The following PDE4A variants were observed in gnomAD, a reference collection of about 807,000 sequenced individuals.
PDE4A encodes phosphodiesterase 4A.
PDE4A carries 21 observed loss-of-function variants against 73.9 expected under a neutral mutation model. The observed-to-expected ratio is 0.28, with a 90% CI of 0.20 to 0.41. PDE4A has a LOEUF of 0.41. PDE4A is among the 10% of genes least tolerant of loss of function. PDE4A has a pLI of 1.00. For missense variants in PDE4A, 958 were observed against 1,211.4 expected (o/e 0.79, Z 3.10); for synonymous variants, 463 against 505.4 (o/e 0.92, Z 1.13).
At chr19:10,445,172 C>T (rs2042987256) in intron 1 of PDE4A, among the ~76,000 whole-genome samples, 1 of 152,120 alleles carries the variant, frequency 6.6e-6, no homozygotes, top group Non-Finnish European at 1.5e-5. Context: ...CAAGCTCGCC[C>T]TGGTGGCCAC....
In PDE4A at chr19:10,420,975, A is replaced by G. The variant is rs1319815418; in HGVS notation, c.211A>G (p.Met71Val). Residue 71 changes from methionine (M) to valine (V), a missense_variant, in exon 1 of 15, where the codon ATG (methionine) becomes GTG (valine). Physicochemically the swap from Met to Val is conservative, Grantham distance 21. Coordinates refer to ENST00000380702, the MANE Select transcript of PDE4A (RefSeq NM_001111307.2). This position sits in a 1 kb window ranked among gnomAD's most constrained non-coding sequence, Gnocchi z 6.0. ...PHRPIERADA[M>V]DTSDRPGLRT... The stretch of plus-strand genomic sequence containing the variant: ...CCGGCCCATAGAGCGCGCCGATGCC[A>G]TGGACACCAGCGACCGGCCCGGCCT... 6.4e-7 allele frequency: 1 copy of G among 1,550,600 alleles called. No individual in the cohort carries two copies. Among genetic ancestry groups the G allele is most frequent in the South Asian group, 1.2e-5 (1 of 84,930 alleles).
chr19:10,466,317 C>T (rs557586028), intron 14 of PDE4A, among the ~76,000 whole-genome samples: 4 of 148,388 alleles, frequency 2.7e-5, no homozygotes, highest in Admixed American at 6.7e-5. Context: ...CGATGGCGGG[C>T]GCCTGTAGTC....
chr19:10,432,312 A>G, intron 1 of PDE4A: 1 of 1,223,302 alleles, frequency 8.2e-7, no homozygotes, highest in Non-Finnish European at 1.0e-6. Context: ...TGGGGGGGTC[A>G]CCAGAGGCGT....
At chr19:10,441,910 G>C (rs1333922769) in intron 1 of PDE4A, among the ~76,000 whole-genome samples, 1 of 151,500 alleles carries the variant, frequency 6.6e-6, no homozygotes, top group African/African-American at 2.4e-5. Flanking sequence ...GGCTGGTCTC[G>C]AACTCCCGAC....
In PDE4A at chr19:10,421,365, G is replaced by T. The variant is rs78370725; in HGVS notation, c.320+281G>T. The T allele has an allele frequency of 1.5e-3, 1,433 of 983,678 alleles. 16 individuals are homozygous for T. The East Asian group carries it at 0.029, about 20-fold the overall frequency. The allele number at this position is 983,678 out of a possible 1,614,324, so 60.9% of individuals were successfully genotyped here. ...GGGGAAGGGGGCTGCACACTTAGGG[G>T]TCTGTATTCTTGGTGACAGTGCAGA... On this transcript the variant is annotated intron_variant, in intron 1 of 14. Coordinates refer to ENST00000380702, the MANE Select transcript of PDE4A (RefSeq NM_001111307.2).
At chr19:10,438,764 G>A (rs952630770) in intron 1 of PDE4A, among the ~76,000 whole-genome samples, 7 of 151,944 alleles carry the variant, frequency 4.6e-5, no homozygotes, top group African/African-American at 7.3e-5. Flanking sequence ...GTGCCACCAC[G>A]CCCGGCTAAT....
rs2043383320 is a variant in PDE4A, at chr19:10,466,900, A to T, written c.1940A>T (p.Asp647Val). The T allele has an allele frequency of 1.2e-6, 2 of 1,613,048 alleles. No homozygotes were observed. The highest frequency in any genetic ancestry group is 2.7e-5 in the African/African-American group (2 of 74,862). ...CCCCTCCACCAGGTGGGTTTTATTG[A>T]CTACATTGTGCACCCATTGTGGGAG... ...SVEKSQVGFI[D>V]YIVHPLWETW... Residue 647 changes from aspartate (D) to valine (V), a missense_variant, in exon 15 of 15, where the codon GAC becomes GTC. Transcript: ENST00000380702.
chr19:10,466,642 C>G (rs2043378075), intron 14 of PDE4A, among the ~76,000 whole-genome samples: 2 of 151,802 alleles, frequency 1.3e-5, no homozygotes, highest in African/African-American at 2.4e-5. Context: ...TACAGGCATG[C>G]ACCACCACAA....
chr19:10,433,089 C>CT (rs1374567868), intron 1 of PDE4A, among the ~76,000 whole-genome samples: 3 of 152,128 alleles, frequency 2.0e-5, no homozygotes, highest in Non-Finnish European at 4.4e-5. Context: ...TGTGAGTGGC[C>CT]TTTAAGTTCT....
intron 2 of PDE4A, among the ~76,000 whole-genome samples, chr19:10,448,468 C>T (rs561009215): frequency 6.6e-6 from 1 of 151,908 alleles, no homozygotes; most frequent in African/African-American, 2.4e-5. Context: ...GAAACCCAGT[C>T]TCTACTAAAA....
intron 1 of PDE4A, chr19:10,430,955 C>T: frequency 6.5e-7 from 1 of 1,531,712 alleles, no homozygotes; most frequent in Non-Finnish European, 8.7e-7. Flanking sequence ...TGGCCCCGCG[C>T]GCGCCCCGCC....
Position 10,469,129 on chromosome 19 carries a change from G to C in PDE4A, c.*1508G>C, listed in dbSNP as rs200670100. ...GAAAGTCGTTTTTGTCCCAGCCGGC[G>C]ATCGGAGTGGGCCTTTTCTTTCTTT... On this transcript the variant is annotated 3_prime_UTR_variant, in exon 15 of 15. Coordinates refer to ENST00000380702, the MANE Select transcript of PDE4A (RefSeq NM_001111307.2). The C allele has an allele frequency of 6.6e-6, 1 of 152,572 alleles. No homozygotes were observed. Among genetic ancestry groups the C allele is most frequent in the Non-Finnish European group, 1.5e-5 (1 of 68,098 alleles). 9.5% of individuals were successfully genotyped at this position (152,572 alleles called of 1,614,324 possible). A position where few individuals can be genotyped will look rare whatever the true frequency, so the allele number is the denominator to read the frequency against.
chr19:10,461,806 A>G, intron 12 of PDE4A, 71 bp from the exon 13 acceptor site: 3 of 1,582,836 alleles, frequency 1.9e-6, no homozygotes, highest in Non-Finnish European at 1.7e-6. Flanking sequence ...CTACCTGGTG[A>G]AAACTTCAGA....
At position 10,458,114 on chromosome 19, in the gene PDE4A, C is replaced by T. The variant is rs1215479384; in HGVS notation, c.1101+12C>T. ...AGCTCCTGGCCCAAGTGGGTGGGGG[C>T]TCAGTAGGGGCAGGGCTGGAGGGGG... On this transcript the variant is annotated intron_variant, in intron 8 of 14. Coordinates refer to ENST00000380702, the MANE Select transcript of PDE4A (RefSeq NM_001111307.2). The surrounding 1 kb of genome is among the most constrained non-coding windows in gnomAD (Gnocchi z 4.6). 2.5e-6 allele frequency: 4 copies of T among 1,612,946 alleles called. No homozygotes were observed. The East Asian group carries it at 6.7e-5, about 27-fold the overall frequency.
intron 14 of PDE4A, among the ~76,000 whole-genome samples, chr19:10,465,632 T>C (rs923543348): frequency 6.7e-6 from 1 of 149,320 alleles, no homozygotes; most frequent in Non-Finnish European, 1.5e-5. Flanking sequence ...ATACACTTTA[T>C]AACGTAGTTA....
chr19:10,452,020 GGTGTGTGT>G (rs58194674), intron 6 of PDE4A, among the ~76,000 whole-genome samples: 5,212 of 140,124 alleles, frequency 0.037, 239 homozygotes, highest in African/African-American at 0.11. Context: ...TTTCTGCAAT[GGTGTGTGT>G]GTGTGTGTGT....
chr19:10,464,017 T>C (rs765812686), intron 14 of PDE4A, 42 bp downstream of exon 14: 4 of 1,611,070 alleles, frequency 2.5e-6, no homozygotes, highest in Non-Finnish European at 3.4e-6. Flanking sequence ...AGGGTGAGTC[T>C]CCCCAGCCCA....
intron 1 of PDE4A, among the ~76,000 whole-genome samples, chr19:10,439,814 C>T (rs1019153575): frequency 5.3e-5 from 8 of 151,872 alleles, no homozygotes; most frequent in Non-Finnish European, 8.8e-5. Flanking sequence ...AAACAGGACA[C>T]GGGTAAAGGC....
chr19:10,449,095 C>T lies in PDE4A; in HGVS notation c.565C>T (p.Arg189Trp), dbSNP rs201404891. ...CCCATCCCAGGTGCTGGCCAGCCTC[C>T]GGAGCGTCCGTAGCAACTTCTCACT... is the stretch of plus-strand genomic sequence containing the variant. ...TPFAQVLASLRSVRSNFSLLT... is the reference protein window; with the variant it reads ...TPFAQVLASLWSVRSNFSLLT... Residue 189 changes from arginine to tryptophan, a missense_variant, in exon 4 of 15, where the codon CGG becomes TGG. Transcript: ENST00000380702. The T allele has an allele frequency of 8.7e-6, 14 of 1,613,528 alleles. No homozygotes were observed. The highest frequency in any genetic ancestry group is 1.1e-5 in the Non-Finnish European group (13 of 1,179,806).
Sources: allele counts gnomAD v4.1 joint callset (sites outside exome capture counted in the v4.1 genomes callset), GRCh38; gene constraint gnomAD v4.1.1; non-coding constraint Gnocchi (gnomAD v3.1); transcripts MANE v1.5; gene names NCBI Gene and HGNC (gene_info 2026-07-23, HGNC 2026-07-21).